FAM163A: variants seen among roughly 807,000 people sequenced by gnomAD.
FAM163A encodes the protein protein FAM163A.
A neutral mutation model predicts 12.0 loss-of-function variants in FAM163A; 7 were observed. That is an observed-to-expected ratio of 0.58 (90% CI 0.33 to 1.10). FAM163A has a LOEUF of 1.10. Ranked by LOEUF, FAM163A falls within the 50% of genes least tolerant of loss-of-function variation. The pLI is 0.03. For missense variants in FAM163A, 202 were observed against 218.6 expected, an observed-to-expected ratio of 0.92 and a Z score of 0.48; for synonymous variants, 101 against 91.0, an observed-to-expected ratio of 1.11 and a Z score of -0.62.
At chr1:179,774,623 G>A (rs902964855) in intron 1 of FAM163A, among the ~76,000 whole-genome samples, 1 of 152,234 alleles carries the variant, frequency 6.6e-6, no homozygotes. Context: ...GAAGCAGCTA[G>A]AGCAGAAGAG....
intron 1 of FAM163A, among the ~76,000 whole-genome samples, chr1:179,774,911 G>A (rs960175374): frequency 6.6e-6 from 1 of 152,152 alleles, no homozygotes; most frequent in Non-Finnish European, 1.5e-5. Context: ...TAGTGTTACC[G>A]GTAGCAGGTC....
chr1:179,774,269 AG>A (rs1688652433), intron 1 of FAM163A, among the ~76,000 whole-genome samples: 2 of 152,214 alleles, frequency 1.3e-5, no homozygotes, highest in African/African-American at 4.8e-5. Flanking sequence ...GGCACATTGC[AG>A]GGCAGGTGCT....
In FAM163A at chr1:179,813,166, C is replaced by A; in HGVS notation, c.69C>A (p.Ala23=). ...CGGTGATCCTCCTCTGCATCATTGC[C>A]GTCCTGTGCTACTGCAGGCTCCAGG... ...LATVILLCII[A]VLCYCRLQYY... The change falls in exon 4 of 5, where the codon GCC becomes GCA. Residue 23 remains alanine (A), a synonymous_variant. Coordinates refer to ENST00000341785, the MANE Select transcript of FAM163A (RefSeq NM_173509.3). 2 of 1,551,866 alleles carry A rather than the reference C, an allele frequency of 1.3e-6. No individual in the cohort carries two copies. The highest frequency in any genetic ancestry group is 1.2e-5 in the South Asian group (1 of 84,060).
intron 1 of FAM163A, among the ~76,000 whole-genome samples, chr1:179,795,206 C>T (rs527514950): frequency 5.4e-4 from 82 of 152,282 alleles, no homozygotes; most frequent in African/African-American, 1.6e-3. Context: ...TGGCTCATGC[C>T]TATAACCCCA....
intron 1 of FAM163A, among the ~76,000 whole-genome samples, chr1:179,777,461 G>A (rs966000794): frequency 2.0e-5 from 3 of 152,148 alleles, no homozygotes; most frequent in African/African-American, 7.2e-5. Context: ...CGTGAGATCA[G>A]CCTTCGTGTG....
At chr1:179,798,830 G>A (rs1001137034) in intron 1 of FAM163A, among the ~76,000 whole-genome samples, 1 of 152,214 alleles carries the variant, frequency 6.6e-6, no homozygotes, top group Non-Finnish European at 1.5e-5. Context: ...CCTTCTGTGA[G>A]ATTCATCTTG....
chr1:179,790,854 A>G (rs992998226), intron 1 of FAM163A, among the ~76,000 whole-genome samples: 2 of 152,198 alleles, frequency 1.3e-5, no homozygotes, highest in Non-Finnish European at 2.9e-5. Context: ...AGTAGAAGAA[A>G]GTTGTGGGAT....
At chr1:179,728,068 T>C in the FAM163A span, among the ~76,000 whole-genome samples, 3 of 152,090 alleles carry the variant, frequency 2.0e-5, no homozygotes, top group African/African-American at 7.2e-5. Context: ...AGACAGTAGC[T>C]GGAATATTGT....
intron 1 of FAM163A, among the ~76,000 whole-genome samples, chr1:179,776,662 A>G (rs1216007129): frequency 1.3e-5 from 2 of 152,138 alleles, no homozygotes; most frequent in East Asian, 3.8e-4. Flanking sequence ...TGCCTGGTCG[A>G]CTGTCAAATT....
intron 1 of FAM163A, 26 bp downstream of exon 1, chr1:179,743,449 A>AGGGGAGCGAGCGGAGGGGCGGGGC (rs1158059518): frequency 6.6e-6 from 1 of 152,084 alleles, no homozygotes; most frequent in African/African-American, 2.4e-5. Context: ...CTCATCGTGC[A>AGGGGAGCGAGCGGAGGGGCGGGGC]GGGGAGCGAG....
the FAM163A span, among the ~76,000 whole-genome samples, chr1:179,735,535 G>A: frequency 1.7e-5 from 2 of 116,918 alleles, no homozygotes; most frequent in South Asian, 2.8e-4. Context: ...ACGGAGTCTC[G>A]TTGTGTCGCC....
At chr1:179,775,327 A>G (rs1055686129) in intron 1 of FAM163A, among the ~76,000 whole-genome samples, 1 of 152,252 alleles carries the variant, frequency 6.6e-6, no homozygotes, top group African/African-American at 2.4e-5. Context: ...TTGCACTTCT[A>G]TGCAAACGAA....
rs967300105 is a variant in FAM163A, at chr1:179,744,662, G to A, written c.-136+1239G>A. Among the ~76,000 whole-genome samples, 3 of 152,148 alleles carry A rather than the reference G, an allele frequency of 2.0e-5. No individual in the cohort carries two copies. The East Asian group carries it at 5.8e-4, about 29-fold the overall frequency. On this transcript the variant is annotated intron_variant, in intron 1 of 4. Coordinates refer to ENST00000341785, the MANE Select transcript of FAM163A (RefSeq NM_173509.3). ...GTCCTGGCAAGTTTGACGTGACGGG[G>A]ACGCAGTCATCCAACCTGCAGGCGG... is the stretch of plus-strand genomic sequence containing the variant.
intron 1 of FAM163A, among the ~76,000 whole-genome samples, chr1:179,757,212 A>G (rs1003250482): frequency 5.9e-5 from 9 of 152,186 alleles, no homozygotes; most frequent in African/African-American, 2.2e-4. Context: ...TTAAGAGTAG[A>G]AGAAGCTTGA....
At chr1:179,777,275 G>A (rs1292488350) in intron 1 of FAM163A, among the ~76,000 whole-genome samples, 1 of 152,114 alleles carries the variant, frequency 6.6e-6, no homozygotes, top group Non-Finnish European at 1.5e-5. Context: ...ATGAATTTAT[G>A]TCAGCAAATG....
chr1:179,759,423 C>G (rs187783351), intron 1 of FAM163A, among the ~76,000 whole-genome samples: 46 of 152,214 alleles, frequency 3.0e-4, no homozygotes, highest in Middle Eastern at 3.4e-3. Context: ...TGAAGGGAGA[C>G]TGACTTTGGG....
chr1:179,788,281 C>T (rs1056759768), intron 1 of FAM163A, among the ~76,000 whole-genome samples: 3 of 152,210 alleles, frequency 2.0e-5, no homozygotes, highest in Admixed American at 6.5e-5. Context: ...ACCCACTCAC[C>T]TGTTCATAGC....
chr1:179,758,660 C>T (rs983592197), intron 1 of FAM163A, among the ~76,000 whole-genome samples: 1 of 152,236 alleles, frequency 6.6e-6, no homozygotes, highest in Non-Finnish European at 1.5e-5. Flanking sequence ...TCCCTCTGTT[C>T]CTCCGTCCAG....
chr1:179,772,101 A>G (rs1247392519), intron 1 of FAM163A, among the ~76,000 whole-genome samples: 4 of 152,134 alleles, frequency 2.6e-5, no homozygotes, highest in African/African-American at 2.4e-5. Flanking sequence ...ATTTCACTGA[A>G]TATCAAGGTC....
Sources: allele counts gnomAD v4.1 joint callset (sites outside exome capture counted in the v4.1 genomes callset), GRCh38; gene constraint gnomAD v4.1.1; transcripts MANE v1.5; gene names NCBI Gene and HGNC (gene_info 2026-07-23, HGNC 2026-07-21).